NAV3: variants seen among roughly 807,000 people sequenced by gnomAD.
The protein encoded by NAV3 is neuron navigator 3, also known as pore membrane and/or filament interacting like protein 1.
NAV3 carries 87 observed loss-of-function variants against 244.7 expected under a neutral mutation model. The ratio of observed to expected loss-of-function variants is 0.36; its 90% CI spans 0.30 to 0.42. NAV3 has a LOEUF of 0.42. Ranked by LOEUF, NAV3 falls within the 20% of genes least tolerant of loss-of-function variation. NAV3 has a pLI of 1.00. For synonymous variants in NAV3, 1,126 were observed against 1,042.2 expected (o/e 1.08, Z -1.55); for missense variants, 2,663 against 2,893.3 (o/e 0.92, Z 1.83).
chr12:77,755,382 C>T (rs1415576006), intron 2 of NAV3, among the ~76,000 whole-genome samples: 1 of 152,168 alleles, frequency 6.6e-6, no homozygotes, highest in Non-Finnish European at 1.5e-5. Flanking sequence ...TCTGTACCAA[C>T]TGTGTGCTGG....
intron 3 of NAV3, among the ~76,000 whole-genome samples, chr12:77,961,474 CTA>C (rs1891980801): frequency 8.8e-6 from 1 of 114,272 alleles, no homozygotes; most frequent in South Asian, 3.1e-4. Context: ...ACATATGTAT[CTA>C]TTACATGTAT....
At chr12:78,085,963 A>C (rs979274490) in intron 12 of NAV3, among the ~76,000 whole-genome samples, 2 of 152,120 alleles carry the variant, frequency 1.3e-5, no homozygotes, top group African/African-American at 4.8e-5. Flanking sequence ...ACAATGTGTC[A>C]TAGAAATTAA....
In NAV3 at chr12:78,007,179, A is replaced by G. The variant is rs757687933; in HGVS notation, c.1641A>G (p.Ala547=). 2.5e-6 allele frequency: 4 copies of G among 1,614,188 alleles called. No homozygotes were observed. The East Asian group carries it at 8.9e-5, about 36-fold the overall frequency. ...VKQTISPGST[A]SKESEKFRTT... is the part of the protein sequence containing the mutation. The stretch of plus-strand genomic sequence containing the variant: ...AAACCATTTCACCTGGCAGCACAGC[A>G]AGCAAAGAGTCTGAGAAATTCAGGA... Residue 547 remains alanine (A), a synonymous_variant, in exon 8 of 40, where the codon GCA becomes GCG. Transcript: ENST00000397909.
At chr12:77,795,271 AC>A (rs1289434710) in intron 2 of NAV3, among the ~76,000 whole-genome samples, 15 of 152,108 alleles carry the variant, frequency 9.9e-5, no homozygotes, top group African/African-American at 3.6e-4. Context: ...CATTCCCTTA[AC>A]CCAAAGCCTA....
intron 2 of NAV3, among the ~76,000 whole-genome samples, chr12:77,796,700 C>T (rs1871422447): frequency 6.6e-6 from 1 of 152,136 alleles, no homozygotes; most frequent in Non-Finnish European, 1.5e-5. Flanking sequence ...CCACAGCCAC[C>T]CCAACCTTTA....
chr12:77,738,878 G>T (rs1868274866), intron 2 of NAV3, among the ~76,000 whole-genome samples: 1 of 152,036 alleles, frequency 6.6e-6, no homozygotes, highest in African/African-American at 2.4e-5. Context: ...CGGGCTTGGG[G>T]GCGGGCGCCT....
chr12:77,922,810 A>G (rs1446567677), intron 1 of NAV3, among the ~76,000 whole-genome samples: 4 of 152,160 alleles, frequency 2.6e-5, no homozygotes, highest in Non-Finnish European at 5.9e-5. Context: ...AATACCAATG[A>G]GGTAATGCTT....
chr12:77,758,112 G>GA (rs1371604907), intron 2 of NAV3, among the ~76,000 whole-genome samples: 1 of 8,908 alleles, frequency 1.1e-4, no homozygotes, highest in African/African-American at 1.2e-4. Context: ...TTAAGTGTCT[G>GA]AGTTTGGTTT....
At chr12:77,700,231 AC>A (rs1229142654) in intron 2 of NAV3, among the ~76,000 whole-genome samples, 1 of 152,152 alleles carries the variant, frequency 6.6e-6, no homozygotes, top group Non-Finnish European at 1.5e-5. Flanking sequence ...TGTAGGATTA[AC>A]ATACAAAAAT....
Position 77,616,726 on chromosome 12 carries a change from G to GCA in NAV3, c.72+44461_72+44462insAC, listed in dbSNP as rs201827482. ...AACCTGCTATTTGTGCTACACACAGGCGCGCACACACACACACACACACAC... is the reference window on the plus strand; with the variant it reads ...AACCTGCTATTTGTGCTACACACAGGCACGCGCACACACACACACACACACAC... On this transcript the variant is annotated intron_variant, in intron 2 of 8. Coordinates refer to the NAV3 transcript ENST00000550042. Among the ~76,000 whole-genome samples, 391 of 148,426 alleles carry GCA rather than the reference G, an allele frequency of 2.6e-3. 3 individuals are homozygous for GCA. The highest frequency in any genetic ancestry group is 9.7e-3 in the African/African-American group (376 of 38,930).
chr12:77,848,064 T>G lies in NAV3; in HGVS notation c.243+16360T>G, dbSNP rs1282164706. On this transcript the variant is annotated intron_variant, in intron 1 of 39. Coordinates refer to ENST00000397909, the MANE Select transcript of NAV3 (RefSeq NM_001024383.2). The stretch of plus-strand genomic sequence containing the variant: ...TGCTTCCTGTTGTACAGCAGACTTT[T>G]ATTTACAGAACACCTATAAAACCAC... Among the ~76,000 whole-genome samples, 3 of 152,214 alleles carry G rather than the reference T, an allele frequency of 2.0e-5. No individual in the cohort carries two copies. In the East Asian group the frequency reaches 5.8e-4, roughly 29 times the overall value.
chr12:77,676,045 A>C (rs1343897805), intron 2 of NAV3, among the ~76,000 whole-genome samples: 1 of 151,888 alleles, frequency 6.6e-6, no homozygotes, highest in African/African-American at 2.4e-5. Context: ...TCCACTTCAC[A>C]TGGGAAGCAA....
chr12:77,956,930 A>T (rs2137756046), intron 3 of NAV3, among the ~76,000 whole-genome samples: 1 of 152,132 alleles, frequency 6.6e-6, no homozygotes, highest in Non-Finnish European at 1.5e-5. Context: ...TTTAGTAGAG[A>T]CAGGGTTTCA....
chr12:78,169,010 A>G (rs554125204), intron 24 of NAV3, 144 bp downstream of exon 24: 289 of 532,672 alleles, frequency 5.4e-4, no homozygotes, highest in Non-Finnish European at 8.1e-4. Flanking sequence ...AATACATACT[A>G]GTAGTATTAA....
intron 5 of NAV3, among the ~76,000 whole-genome samples, chr12:77,972,774 CA>C (rs1327150016): frequency 6.6e-6 from 1 of 152,108 alleles, no homozygotes; most frequent in African/African-American, 2.4e-5. Context: ...ATAAATCCTA[CA>C]ATTTTAAAAT....
intron 2 of NAV3, among the ~76,000 whole-genome samples, chr12:77,614,744 C>T (rs1871081865): frequency 6.6e-6 from 1 of 152,134 alleles, no homozygotes; most frequent in Admixed American, 6.6e-5. Flanking sequence ...AAACTATGTG[C>T]TTTCACATAC....
At chr12:77,910,176 T>C (rs1205333468) in intron 1 of NAV3, among the ~76,000 whole-genome samples, 1 of 152,056 alleles carries the variant, frequency 6.6e-6, no homozygotes, top group Non-Finnish European at 1.5e-5. Context: ...AGAGGTTTAT[T>C]TTGGCTCACA....
chr12:77,978,875 T>A (rs1868997923), intron 5 of NAV3, among the ~76,000 whole-genome samples: 1 of 152,008 alleles, frequency 6.6e-6, no homozygotes, highest in African/African-American at 2.4e-5. Flanking sequence ...ACTGTATTCA[T>A]TACAATTTTC....
intron 1 of NAV3, among the ~76,000 whole-genome samples, chr12:77,835,212 C>T (rs147393606): frequency 6.6e-6 from 1 of 152,182 alleles, no homozygotes; most frequent in Non-Finnish European, 1.5e-5. Flanking sequence ...TTCTTCCACA[C>T]TGGCCTCGTT....
Sources: allele counts gnomAD v4.1 joint callset (sites outside exome capture counted in the v4.1 genomes callset), GRCh38; gene constraint gnomAD v4.1.1; transcripts MANE v1.5; gene names NCBI Gene and HGNC (gene_info 2026-07-23, HGNC 2026-07-21).